TBC1D15: variants seen among roughly 807,000 people sequenced by gnomAD.
TBC1D15 encodes the protein GAP for RAB7.
A neutral mutation model predicts 95.4 loss-of-function variants in TBC1D15; 39 were observed. The observed-to-expected ratio is 0.41, with a 90% CI of 0.32 to 0.53. TBC1D15 has a LOEUF of 0.53. Ranked by LOEUF, TBC1D15 falls within the 20% of genes least tolerant of loss-of-function variation. The probability of loss-of-function intolerance (pLI) is 0.29; values close to 1 mark genes in which losing one functional copy is unlikely to be tolerated. For missense variants in TBC1D15, 733 were observed against 794.3 expected (o/e 0.92, Z 0.93); for synonymous variants, 258 against 261.3 (o/e 0.99, Z 0.12).
At chr12:71,864,285 G>A (rs937864949) in intron 1 of TBC1D15, among the ~76,000 whole-genome samples, 2 of 152,012 alleles carry the variant, frequency 1.3e-5, no homozygotes, top group Non-Finnish European at 2.9e-5. Flanking sequence ...GGCCAGGATG[G>A]TCTTGATCTC....
Position 71,905,716 on chromosome 12 carries a change from G to A in TBC1D15, c.1184-1306G>A, listed in dbSNP as rs529839417. ...ATTTGAGAACTGTATCCACAATTCT[G>A]TATGTATTTGCTTGCTTTTTAAAAA... is the stretch of plus-strand genomic sequence containing the variant. On this transcript the variant is annotated intron_variant, in intron 10 of 16. Transcript: ENST00000485960. Among the ~76,000 whole-genome samples, 6 of 152,258 alleles carry A rather than the reference G, an allele frequency of 3.9e-5. No homozygotes were observed. The South Asian group carries it at 6.2e-4, about 16-fold the overall frequency.
At chr12:71,914,030 T>TA in intron 12 of TBC1D15, 104 bp downstream of exon 12, 1 of 786,150 alleles carries the variant, frequency 1.3e-6, no homozygotes, top group East Asian at 3.2e-5. Flanking sequence ...TGATGGAACT[T>TA]AAAAAAATTA....
chr12:71,850,425 A>G, intron 1 of TBC1D15: 1 of 249,124 alleles, frequency 4.0e-6, no homozygotes, highest in Non-Finnish European at 7.8e-6. Flanking sequence ...GCACAGCCAC[A>G]GGCAGTCGCA....
intron 1 of TBC1D15, chr12:71,850,022 C>T: frequency 1.9e-6 from 1 of 518,842 alleles, no homozygotes. Flanking sequence ...ACAAGTTGAC[C>T]CTCTCCAGAC....
chr12:71,849,189 A>C lies in TBC1D15; in HGVS notation c.30+9378A>C, dbSNP rs540391509. On this transcript the variant is annotated intron_variant, in intron 1 of 16. Transcript: ENST00000485960. ...AAAAAAAAAAAAAAACAAAAAAAAA[A>C]CAAAAAACTTCAGTGTCCATAGGGT... 5.7e-4 allele frequency: 183 copies of C among 319,146 alleles called. 2 individuals are homozygous for C. Among genetic ancestry groups the C allele is most frequent in the African/African-American group, 2.4e-3 (110 of 45,796 alleles). 19.8% of individuals were successfully genotyped at this position (319,146 alleles called of 1,614,324 possible).
intron 6 of TBC1D15, chr12:71,894,181 T>C: frequency 1.5e-6 from 1 of 676,908 alleles, no homozygotes; most frequent in South Asian, 2.3e-5. Context: ...TAAATTATTC[T>C]TGTTGGCATG....
intron 1 of TBC1D15, among the ~76,000 whole-genome samples, chr12:71,853,349 C>T (rs1311678218): frequency 6.6e-6 from 1 of 152,188 alleles, no homozygotes. Flanking sequence ...CAGGCCCTGC[C>T]TCCAACATTG....
At chr12:71,909,449 G>C (rs552435570) in intron 11 of TBC1D15, among the ~76,000 whole-genome samples, 4 of 152,240 alleles carry the variant, frequency 2.6e-5, no homozygotes, top group African/African-American at 9.6e-5. Context: ...TTTAAGGAAG[G>C]GTGATTTCGA....
Position 71,897,938 on chromosome 12 carries a change from A to G in TBC1D15, c.1180A>G (p.Ile394Val). The G allele has an allele frequency of 1.2e-6, 2 of 1,610,904 alleles. No individual in the cohort carries two copies. Among genetic ancestry groups the G allele is most frequent in the Non-Finnish European group, 8.5e-7 (1 of 1,177,960 alleles). Residue 394 changes from isoleucine (I) to valine (V), a missense_variant, in exon 10 of 17, where the codon ATC becomes GTC. Transcript: ENST00000485960. The part of the protein sequence containing the change: ...NSRLRDYRSL[I>V]EKDVNRTDRT... Reference sequence around the variant, plus strand: ...GAGGTTAAGAGATTATAGAAGTCTTATCGGTAATTTTTTCTTAACAACTTT... The same window carrying G: ...GAGGTTAAGAGATTATAGAAGTCTTGTCGGTAATTTTTTCTTAACAACTTT...
chr12:71,861,351 G>A, intron 1 of TBC1D15: 1 of 955,274 alleles, frequency 1.0e-6, no homozygotes. Flanking sequence ...TTTCTTTAAT[G>A]GGAGACTTTT....
chr12:71,867,809 A>T (rs1260103995), intron 1 of TBC1D15, among the ~76,000 whole-genome samples: 1 of 152,100 alleles, frequency 6.6e-6, no homozygotes, highest in Non-Finnish European at 1.5e-5. Context: ...TCCAAGGTCC[A>T]TTTCCTTTGA....
chr12:71,921,842 GTCAC>G (rs1457232050), intron 16 of TBC1D15, among the ~76,000 whole-genome samples: 5 of 152,178 alleles, frequency 3.3e-5, no homozygotes, highest in Non-Finnish European at 7.3e-5. Context: ...TTTAGCCTGT[GTCAC>G]TCACTTATAT....
intron 11 of TBC1D15, among the ~76,000 whole-genome samples, chr12:71,912,651 G>A (rs115788939): frequency 0.026 from 3,920 of 152,126 alleles, 180 homozygotes; most frequent in African/African-American, 0.089. Flanking sequence ...TTATATGATA[G>A]CAGAACTATC....
At chr12:71,890,810 T>A (rs1897082296) in intron 5 of TBC1D15, among the ~76,000 whole-genome samples, 2 of 152,246 alleles carry the variant, frequency 1.3e-5, no homozygotes, top group South Asian at 4.1e-4. Flanking sequence ...GTTCTTTGAT[T>A]TATCATCATT....
At chr12:71,863,756 T>G (rs1890882320) in intron 1 of TBC1D15, among the ~76,000 whole-genome samples, 1 of 152,154 alleles carries the variant, frequency 6.6e-6, no homozygotes, top group Admixed American at 6.5e-5. Flanking sequence ...AATGTTAGAC[T>G]ACTTATTTTT....
chr12:71,910,508 TC>T (rs979501915), intron 11 of TBC1D15, among the ~76,000 whole-genome samples: 1 of 151,982 alleles, frequency 6.6e-6, no homozygotes, highest in Non-Finnish European at 1.5e-5. Context: ...GGAATGTTCT[TC>T]CATTTGTTTA....
chr12:71,875,642 C>T (rs1893647357), intron 3 of TBC1D15, among the ~76,000 whole-genome samples: 1 of 151,736 alleles, frequency 6.6e-6, no homozygotes, highest in African/African-American at 2.4e-5. Context: ...ATGTATGGTC[C>T]ATTTTGAGTT....
chr12:71,850,210 C>T (rs1887424041), intron 1 of TBC1D15: 1 of 570,366 alleles, frequency 1.8e-6, no homozygotes, highest in Non-Finnish European at 3.4e-6. Flanking sequence ...GGCTTGAAGA[C>T]CTAACTCTTG....
At chr12:71,850,619 G>A (rs962276708) in intron 1 of TBC1D15, among the ~76,000 whole-genome samples, 12 of 151,738 alleles carry the variant, frequency 7.9e-5, no homozygotes, top group African/African-American at 2.7e-4. Flanking sequence ...CTGTGTTGCC[G>A]AGGCTGGTCT....
Sources: gnomAD v4.1 joint callset for allele counts (sites outside exome capture counted in the v4.1 genomes callset) on GRCh38, gnomAD v4.1.1 for gene constraint, MANE v1.5 for transcripts, NCBI Gene and HGNC (gene_info 2026-07-23, HGNC 2026-07-21) for gene names.